THSD7B: variants seen among roughly 807,000 people sequenced by gnomAD.
THSD7B encodes thrombospondin type-1 domain-containing protein 7B.
A neutral mutation model predicts 213.6 loss-of-function variants in THSD7B; 138 were observed. The ratio of observed to expected loss-of-function variants is 0.65; its 90% CI spans 0.56 to 0.74. The LOEUF is 0.74. Ranked by LOEUF, THSD7B falls within the 30% of genes least tolerant of loss-of-function variation. THSD7B has a pLI of 0.00. For missense variants in THSD7B, 1,931 were observed against 1,991.5 expected, an observed-to-expected ratio of 0.97 and a Z score of 0.58; for synonymous variants, 742 against 687.0, an observed-to-expected ratio of 1.08 and a Z score of -1.25.
At chr2:137,395,297 G>T (rs1686149432) in intron 12 of THSD7B, among the ~76,000 whole-genome samples, 1 of 147,684 alleles carries the variant, frequency 6.8e-6, no homozygotes, top group African/African-American at 2.5e-5. Flanking sequence ...TTGGCTGTGG[G>T]TTTGTCATAG....
At chr2:137,153,949 T>C (rs1679863303) in intron 5 of THSD7B, among the ~76,000 whole-genome samples, 1 of 152,094 alleles carries the variant, frequency 6.6e-6, no homozygotes. Context: ...AATTGGGGAG[T>C]TCTGAGTCTT....
chr2:137,401,654 T>C (rs1277359170), intron 12 of THSD7B, among the ~76,000 whole-genome samples: 3 of 150,112 alleles, frequency 2.0e-5, no homozygotes, highest in Non-Finnish European at 4.4e-5. Flanking sequence ...TTTTTTTTCT[T>C]CAACTCTGCA....
intron 2 of THSD7B, among the ~76,000 whole-genome samples, chr2:136,968,743 A>C (rs866491930): frequency 1.3e-5 from 2 of 152,190 alleles, no homozygotes; most frequent in South Asian, 4.1e-4. Context: ...TTAAGTCTTC[A>C]GTCCATTTTT....
intron 1 of THSD7B, among the ~76,000 whole-genome samples, chr2:136,827,877 A>C (rs1682683104): frequency 1.3e-5 from 2 of 152,168 alleles, no homozygotes; most frequent in Admixed American, 1.3e-4. Context: ...CAGACTATAA[A>C]AATTGAATTT....
Position 137,411,596 on chromosome 2 carries a change from C to A in THSD7B, c.2696-13C>A, listed in dbSNP as rs781407449. On this transcript the variant is annotated splice_polypyrimidine_tract_variant and intron_variant, in intron 13 of 27. Transcript: ENST00000409968. ...ATAAGCATTTAATATCTTAATGTCT[C>A]TTGTTGGAACAGGGAAAAGCAGAAA... 91 of 1,602,012 alleles carry A rather than the reference C, an allele frequency of 5.7e-5. No homozygotes were observed. The highest frequency in any genetic ancestry group is 7.2e-5 in the Non-Finnish European group (85 of 1,172,890).
intron 1 of THSD7B, among the ~76,000 whole-genome samples, 190 bp downstream of exon 1, chr2:136,765,877 C>T (rs947236607): frequency 2.6e-5 from 4 of 152,222 alleles, no homozygotes; most frequent in Non-Finnish European, 5.9e-5. Flanking sequence ...TCTTCTCGGA[C>T]GCCTCTGGCT....
chr2:137,371,882 G>C (rs1286648956), intron 12 of THSD7B, among the ~76,000 whole-genome samples: 1 of 152,068 alleles, frequency 6.6e-6, no homozygotes, highest in African/African-American at 2.4e-5. Flanking sequence ...CAGTTTAATA[G>C]TTTTAGTGAT....
intron 14 of THSD7B, among the ~76,000 whole-genome samples, chr2:137,447,932 A>G (rs1341864824): frequency 2.0e-5 from 3 of 152,184 alleles, no homozygotes; most frequent in African/African-American, 7.2e-5. Context: ...TGTTAATATG[A>G]AGAGAGAAGA....
chr2:137,275,089 G>C (rs533104219), intron 11 of THSD7B, among the ~76,000 whole-genome samples: 2 of 152,204 alleles, frequency 1.3e-5, no homozygotes, highest in South Asian at 4.1e-4. Context: ...GGAATATTCT[G>C]AAGAGACAGA....
chr2:137,488,538 G>A (rs1688527400), intron 15 of THSD7B, among the ~76,000 whole-genome samples: 1 of 152,136 alleles, frequency 6.6e-6, no homozygotes, highest in Non-Finnish European at 1.5e-5. Context: ...AATTATCAAT[G>A]ATTGATGATG....
At chr2:137,112,003 A>G (rs1280584445) in intron 4 of THSD7B, among the ~76,000 whole-genome samples, 1 of 152,176 alleles carries the variant, frequency 6.6e-6, no homozygotes, top group Non-Finnish European at 1.5e-5. Context: ...GGGCTTAGCC[A>G]TTAAAGAGAG....
chr2:137,521,851 C>T (rs1295122489), intron 15 of THSD7B, among the ~76,000 whole-genome samples: 2 of 152,116 alleles, frequency 1.3e-5, no homozygotes, highest in African/African-American at 4.8e-5. Flanking sequence ...CATAACAGGG[C>T]AGACTGTGCT....
In THSD7B at chr2:137,656,977, G is replaced by A. The variant is rs1573769981; in HGVS notation, c.4279+8G>A. 3 of 1,613,524 alleles carry A rather than the reference G, an allele frequency of 1.9e-6. No homozygotes were observed. Among genetic ancestry groups the A allele is most frequent in the Non-Finnish European group, 2.5e-6 (3 of 1,179,692 alleles). On this transcript the variant is annotated splice_region_variant and intron_variant, in intron 23 of 27. Transcript: ENST00000409968. ...AAACACGCCCTTGTACAGGTACCAAGAGCACTTTTCAGTTCTTTAGCCTTC... is the reference window on the plus strand; with the variant it reads ...AAACACGCCCTTGTACAGGTACCAAAAGCACTTTTCAGTTCTTTAGCCTTC...
At chr2:137,153,129 G>A (rs796420062) in intron 5 of THSD7B, among the ~76,000 whole-genome samples, 1 of 152,072 alleles carries the variant, frequency 6.6e-6, no homozygotes, top group Non-Finnish European at 1.5e-5. Context: ...ATGGCTGAAG[G>A]CTACTATATT....
chr2:137,090,463 C>A (rs944457907), intron 3 of THSD7B, among the ~76,000 whole-genome samples: 1 of 151,892 alleles, frequency 6.6e-6, no homozygotes, highest in Non-Finnish European at 1.5e-5. Flanking sequence ...GGTAGTTTAC[C>A]GCTGATTTTT....
intron 1 of THSD7B, among the ~76,000 whole-genome samples, chr2:136,839,391 T>C (rs148552242): frequency 1.4e-4 from 22 of 152,348 alleles, no homozygotes; most frequent in African/African-American, 5.3e-4. Context: ...ACACTATGGC[T>C]TATAGTAAAA....
At chr2:136,931,563 G>A (rs60510682) in intron 2 of THSD7B, among the ~76,000 whole-genome samples, 11,279 of 152,126 alleles carry the variant, frequency 0.074, 677 homozygotes, top group African/African-American at 0.16. Context: ...AAACACAGCC[G>A]CTATTGGTCT....
chr2:137,254,039 G>A (rs1474250258), intron 10 of THSD7B, among the ~76,000 whole-genome samples: 4 of 152,120 alleles, frequency 2.6e-5, no homozygotes, highest in Non-Finnish European at 5.9e-5. Context: ...AAATCAACAA[G>A]CTACTTTATG....
chr2:137,030,782 T>C (rs1338290801), intron 2 of THSD7B, among the ~76,000 whole-genome samples: 3 of 151,798 alleles, frequency 2.0e-5, no homozygotes, highest in Non-Finnish European at 4.4e-5. Flanking sequence ...ATGGGGAGGA[T>C]GGAAAGGGAT....
Sources: gnomAD v4.1 joint callset for allele counts (sites outside exome capture counted in the v4.1 genomes callset) on GRCh38, gnomAD v4.1.1 for gene constraint, MANE v1.5 for transcripts, NCBI Gene and HGNC (gene_info 2026-07-23, HGNC 2026-07-21) for gene names.